Variants in EBF2 observed in about 807,000 individuals in gnomAD.
EBF2 encodes the protein EBF transcription factor 2.
EBF2 carries 21 observed loss-of-function variants against 72.8 expected under a neutral mutation model. The observed-to-expected ratio is 0.29, with a 90% CI of 0.20 to 0.42. The LOEUF is 0.42. EBF2 is among the 10% of genes least tolerant of loss of function. EBF2 has a pLI of 1.00. For missense variants in EBF2, 637 were observed against 731.2 expected, an observed-to-expected ratio of 0.87 and a Z score of 1.49; for synonymous variants, 299 against 274.2, an observed-to-expected ratio of 1.09 and a Z score of -0.89.
chr8:25,901,595 G>A (rs1457237275), intron 7 of EBF2, among the ~76,000 whole-genome samples: 1 of 152,050 alleles, frequency 6.6e-6, no homozygotes, highest in Admixed American at 6.6e-5. Context: ...TGAGGCAGAG[G>A]GTAAAAACTC....
At chr8:25,855,022 G>T (rs1236335719) in intron 14 of EBF2, among the ~76,000 whole-genome samples, 1 of 152,152 alleles carries the variant, frequency 6.6e-6, no homozygotes, top group East Asian at 1.9e-4. Flanking sequence ...TGGGACTGCA[G>T]AGAGAACCAT....
At chr8:25,890,198 C>T (rs3812414) in intron 7 of EBF2, among the ~76,000 whole-genome samples, 6,295 of 152,274 alleles carry the variant, frequency 0.041, 241 homozygotes, top group Admixed American at 0.11. Context: ...GGAGCCTCCA[C>T]CACAGAAAGC....
chr8:25,915,586 C>A (rs1028721300), intron 6 of EBF2, among the ~76,000 whole-genome samples: 1 of 146,946 alleles, frequency 6.8e-6, no homozygotes, highest in South Asian at 2.2e-4. Flanking sequence ...GATGGCATAG[C>A]CCAAATAGCT....
intron 6 of EBF2, among the ~76,000 whole-genome samples, chr8:26,004,773 T>A (rs1801157869): frequency 1.3e-5 from 2 of 149,234 alleles, no homozygotes; most frequent in Non-Finnish European, 3.0e-5. Flanking sequence ...ATTAATCATA[T>A]CATTTAAAAA....
At chr8:25,855,167 C>T (rs955485716) in intron 14 of EBF2, among the ~76,000 whole-genome samples, 2 of 152,166 alleles carry the variant, frequency 1.3e-5, no homozygotes, top group South Asian at 2.1e-4. Context: ...TAAGGAAAAA[C>T]CACTTTTCTT....
intron 7 of EBF2, among the ~76,000 whole-genome samples, chr8:25,905,483 T>G (rs1446211485): frequency 6.6e-6 from 1 of 151,828 alleles, no homozygotes; most frequent in Non-Finnish European, 1.5e-5. Context: ...GATATATCCA[T>G]ACAATGGAAT....
chr8:26,018,931 T>TAAA lies in EBF2; in HGVS notation c.551+14151_551+14153dup, dbSNP rs1176680985. ...GGACCATCAGTGGGATCCATGGCAA[T>TAAA]AAAAAAAAAAAAAAAAAAAAAAAGG... On this transcript the variant is annotated intron_variant, in intron 6 of 15. Transcript: ENST00000520164. Among the ~76,000 whole-genome samples the TAAA allele has an allele frequency of 5.3e-4, 57 of 107,538 alleles. 1 individual carries two copies. The highest frequency in any genetic ancestry group is 2.3e-3 in the Admixed American group (23 of 9,928). The allele number at this position is 107,538 out of a possible 152,430, so 70.5% of individuals were successfully genotyped here.
In EBF2 at chr8:25,886,789, GA is replaced by G; in HGVS notation, c.974del (p.Phe325SerfsTer14). On this transcript the variant is annotated frameshift_variant, in exon 10 of 16. Coordinates refer to ENST00000520164, the MANE Select transcript of EBF2 (RefSeq NM_022659.4). LOFTEE classifies it high-confidence loss of function. ...TGAACCTTCCTGGGGCTCCTTTGCA[GA>G]ACTGTTTAGATTTATAAGATAATGT... The part of the protein sequence containing the change: ...EVTLSYKSKQ[F>X]CKGAPGRFIY... 1 of 1,612,076 alleles carries G rather than the reference GA, an allele frequency of 6.2e-7. No homozygotes were observed. Among genetic ancestry groups the G allele is most frequent in the Non-Finnish European group, 8.5e-7 (1 of 1,178,984 alleles).
At chr8:25,971,428 T>C (rs1221784358) in intron 6 of EBF2, among the ~76,000 whole-genome samples, 1 of 152,114 alleles carries the variant, frequency 6.6e-6, no homozygotes, top group African/African-American at 2.4e-5. Context: ...AACACTACAG[T>C]GTGACTGGAT....
At chr8:25,884,646 G>A (rs1386508300) in intron 10 of EBF2, among the ~76,000 whole-genome samples, 2 of 152,200 alleles carry the variant, frequency 1.3e-5, no homozygotes, top group Non-Finnish European at 2.9e-5. Flanking sequence ...GCTTAGAGCT[G>A]TGCCAGCCCA....
Position 25,856,586 on chromosome 8 carries a change from T to C in EBF2, c.1528+1733A>G, listed in dbSNP as rs115747865. On this transcript the variant is annotated intron_variant, in intron 14 of 15. Coordinates refer to ENST00000520164, the MANE Select transcript of EBF2 (RefSeq NM_022659.4). ...TCAACATGCTTTGTAAGCTGTAAAGTGGAATGTAATTGTTAATTCATCTTA... is the reference window on the plus strand; with the variant it reads ...TCAACATGCTTTGTAAGCTGTAAAGCGGAATGTAATTGTTAATTCATCTTA... Among the ~76,000 whole-genome samples the C allele has an allele frequency of 4.8e-3, 728 of 152,340 alleles. 8 individuals are homozygous for C. Among genetic ancestry groups the C allele is most frequent in the African/African-American group, 0.016 (668 of 41,582 alleles).
rs148267657 is a variant in EBF2, at chr8:26,016,467, G to A, written c.551+16618C>T. 1.1e-4 allele frequency among the ~76,000 whole-genome samples: 17 copies of A among 152,216 alleles called. No individual in the cohort carries two copies. In the East Asian group the frequency reaches 2.9e-3, roughly 26 times the overall value. On this transcript the variant is annotated intron_variant, in intron 6 of 15. Transcript: ENST00000520164. The stretch of plus-strand genomic sequence containing the variant: ...ATTTAACCAACTTGGCCTCTACTTA[G>A]TGGGCCAAAGAAAATAATACAATGG...
At chr8:26,001,306 A>G (rs1425639902) in intron 6 of EBF2, among the ~76,000 whole-genome samples, 1 of 152,192 alleles carries the variant, frequency 6.6e-6, no homozygotes, top group Non-Finnish European at 1.5e-5. Context: ...AAGTGAAGAA[A>G]GGAGGAAGGA....
At chr8:26,006,484 T>C (rs556443908) in intron 6 of EBF2, among the ~76,000 whole-genome samples, 2 of 152,356 alleles carry the variant, frequency 1.3e-5, no homozygotes, top group East Asian at 3.9e-4. Flanking sequence ...TTCTAGATAA[T>C]AAGCAATGGA....
chr8:25,953,084 A>G (rs1803890482), intron 6 of EBF2, among the ~76,000 whole-genome samples: 1 of 152,234 alleles, frequency 6.6e-6, no homozygotes, highest in South Asian at 2.1e-4. Context: ...CCTAAGACCA[A>G]TAGCTCTAAC....
chr8:25,918,291 G>A (rs910012450), intron 6 of EBF2, among the ~76,000 whole-genome samples: 7 of 152,174 alleles, frequency 4.6e-5, no homozygotes, highest in Admixed American at 3.3e-4. Context: ...TCATAGATTA[G>A]CAGATATGAG....
intron 7 of EBF2, among the ~76,000 whole-genome samples, chr8:25,899,242 T>G (rs1365815105): frequency 1.3e-5 from 2 of 151,958 alleles, no homozygotes; most frequent in East Asian, 1.9e-4. Context: ...TCCACAGTTT[T>G]TTTTTTTTTT....
intron 15 of EBF2, among the ~76,000 whole-genome samples, chr8:25,845,594 A>G (rs1024392442): frequency 1.3e-5 from 2 of 152,176 alleles, no homozygotes; most frequent in African/African-American, 2.4e-5. Flanking sequence ...CATCGGGTCA[A>G]AAGGATTCGG....
At chr8:25,863,382 A>G (rs966076641) in intron 10 of EBF2, among the ~76,000 whole-genome samples, 7 of 152,156 alleles carry the variant, frequency 4.6e-5, no homozygotes, top group African/African-American at 1.2e-4. Context: ...TTTCACCACT[A>G]TGTTCCCGTT....
Sources: gnomAD v4.1 joint callset for allele counts (sites outside exome capture counted in the v4.1 genomes callset) on GRCh38, gnomAD v4.1.1 for gene constraint, MANE v1.5 for transcripts, NCBI Gene and HGNC (gene_info 2026-07-23, HGNC 2026-07-21) for gene names.